Variants in BTF3L4 observed in about 807,000 individuals in gnomAD.
The protein encoded by BTF3L4 is basic transcription factor 3 like 4.
A neutral mutation model predicts 16.8 loss-of-function variants in BTF3L4; 6 were observed. That is an observed-to-expected ratio of 0.36 (90% CI 0.20 to 0.71). The LOEUF is 0.71. Among genes scored for constraint, BTF3L4 ranks in the 30% least tolerant of loss-of-function variants. The pLI, the probability that BTF3L4 is intolerant of heterozygous loss-of-function variation, is 0.58. For synonymous variants in BTF3L4, 39 were observed against 59.8 expected (o/e 0.65, Z 1.60); for missense variants, 92 against 186.9 (o/e 0.49, Z 2.96).
At chr1:52,078,177 T>C (rs1686977337) in intron 3 of BTF3L4, among the ~76,000 whole-genome samples, 1 of 151,380 alleles carries the variant, frequency 6.6e-6, no homozygotes, top group African/African-American at 2.4e-5. Context: ...CTCAGCCTCC[T>C]GAGTAGCTAA....
At chr1:52,061,635 CTTTTTTTTTTTTTTTT>C (rs67186641) in intron 2 of BTF3L4, among the ~76,000 whole-genome samples, 1 of 65,016 alleles carries the variant, frequency 1.5e-5, no homozygotes, top group African/African-American at 5.8e-5. Flanking sequence ...TACAGCTATT[CTTTTTTTTTTTTTTTT>C]TTTTTTGAGA....
At chr1:52,084,020 CA>C (rs58159140) in intron 4 of BTF3L4, among the ~76,000 whole-genome samples, 8,911 of 78,994 alleles carry the variant, frequency 0.11, 245 homozygotes, top group African/African-American at 0.15. Flanking sequence ...AACTCCGTCT[CA>C]AAAAAAAAAA....
Position 52,070,609 on chromosome 1 carries a change from T to C in BTF3L4, c.168+5671T>C, listed in dbSNP as rs542915308. ...ATGAGGGGTTTCAGAGACAGTTTCA[T>C]ACAAAGGTCAAATAAATAACCAGCT... On this transcript the variant is annotated intron_variant, in intron 3 of 5. Transcript: ENST00000313334. Among the ~76,000 whole-genome samples, 204 of 141,828 alleles carry C rather than the reference T, an allele frequency of 1.4e-3. 1 individual carries two copies. The highest frequency in any genetic ancestry group is 2.5e-3 in the Non-Finnish European group (166 of 65,926). 93.0% of individuals were successfully genotyped at this position (141,828 alleles called of 152,430 possible).
At chr1:52,060,315 C>CCA in intron 2 of BTF3L4, 1 of 355,800 alleles carries the variant, frequency 2.8e-6, no homozygotes, top group Admixed American at 3.7e-5. Flanking sequence ...GTTAGACTCA[C>CCA]TTGCAGGGCA....
chr1:52,064,955 A>T lies in BTF3L4; in HGVS notation c.168+17A>T. The T allele has an allele frequency of 6.6e-7, 1 of 1,508,224 alleles. No homozygotes were observed. Among genetic ancestry groups the T allele is most frequent in the Non-Finnish European group, 9.2e-7 (1 of 1,090,486 alleles). The allele number at this position is 1,508,224 out of a possible 1,614,324, so 93.4% of individuals were successfully genotyped here. A position where few individuals can be genotyped will look rare whatever the true frequency, so the allele number is the denominator to read the frequency against. On this transcript the variant is annotated intron_variant, in intron 3 of 5. Coordinates refer to ENST00000313334, the MANE Select transcript of BTF3L4 (RefSeq NM_152265.5). The stretch of plus-strand genomic sequence containing the variant: ...ATTGAAGAGGTATGATCACTTTGCA[A>T]GTTGTTAAATTGTGTGGGTACATGC...
chr1:52,063,124 G>A (rs970028792), intron 2 of BTF3L4, among the ~76,000 whole-genome samples: 4 of 152,108 alleles, frequency 2.6e-5, no homozygotes, highest in African/African-American at 9.7e-5. Context: ...TACAAATTTA[G>A]GAGTTGGAAT....
chr1:52,066,226 C>A (rs1686644050), intron 3 of BTF3L4, among the ~76,000 whole-genome samples: 1 of 152,038 alleles, frequency 6.6e-6, no homozygotes, highest in African/African-American at 2.4e-5. Flanking sequence ...CAGAATCTCA[C>A]TCTGTCACCC....
chr1:52,057,976 A>G (rs1336389068), intron 1 of BTF3L4, among the ~76,000 whole-genome samples: 1 of 152,222 alleles, frequency 6.6e-6, no homozygotes, highest in African/African-American at 2.4e-5. Flanking sequence ...TTCAAAATGC[A>G]GAAGAATCCC....
At chr1:52,056,575 C>T (rs1005286836) in intron 1 of BTF3L4, among the ~76,000 whole-genome samples, 196 bp downstream of exon 1, 1 of 152,234 alleles carries the variant, frequency 6.6e-6, no homozygotes, top group Non-Finnish European at 1.5e-5. Flanking sequence ...GTGGGAAGGT[C>T]CCCAGCACCA....
intron 5 of BTF3L4, 99 bp downstream of exon 5, chr1:52,086,270 C>T: frequency 2.3e-6 from 2 of 867,804 alleles, no homozygotes; most frequent in South Asian, 2.0e-5. Flanking sequence ...ATTGTAAGCT[C>T]ATGAATTTAA....
chr1:52,085,350 G>GT (rs1177269568), intron 4 of BTF3L4, among the ~76,000 whole-genome samples: 2 of 147,064 alleles, frequency 1.4e-5, no homozygotes, highest in African/African-American at 2.5e-5. Context: ...TTGTTGCTTG[G>GT]TTTTTTTTGT....
chr1:52,085,174 C>T (rs1643960333), intron 4 of BTF3L4, among the ~76,000 whole-genome samples: 1 of 151,476 alleles, frequency 6.6e-6, no homozygotes, highest in Non-Finnish European at 1.5e-5. Context: ...GCGCCCGCCA[C>T]TGCGCCTGGC....
chr1:52,079,660 G>A (rs988352282), intron 3 of BTF3L4, among the ~76,000 whole-genome samples: 13 of 152,144 alleles, frequency 8.5e-5, no homozygotes, highest in African/African-American at 2.9e-4. Context: ...TTAGCCTTCA[G>A]AAGAGAAACT....
At chr1:52,069,414 AAAG>A (rs1352730049) in intron 3 of BTF3L4, among the ~76,000 whole-genome samples, 4 of 152,280 alleles carry the variant, frequency 2.6e-5, no homozygotes, top group African/African-American at 4.8e-5. Context: ...GAGAAGGAAA[AAAG>A]AAGCTATTGC....
intron 3 of BTF3L4, among the ~76,000 whole-genome samples, chr1:52,080,903 A>C (rs534741164): frequency 6.9e-6 from 1 of 145,444 alleles, no homozygotes; most frequent in South Asian, 2.2e-4. Context: ...GCAGTGGCAC[A>C]ATCTCAGCTC....
intron 3 of BTF3L4, among the ~76,000 whole-genome samples, chr1:52,071,700 G>A (rs1187409714): frequency 2.6e-5 from 4 of 152,112 alleles, no homozygotes; most frequent in Admixed American, 1.3e-4. Context: ...CCTCTTCCTG[G>A]TTCTTGTTTT....
At chr1:52,084,987 C>G (rs1643957364) in intron 4 of BTF3L4, among the ~76,000 whole-genome samples, 1 of 136,236 alleles carries the variant, frequency 7.3e-6, no homozygotes, top group Admixed American at 7.5e-5. Flanking sequence ...TAGATACTTT[C>G]TTACACCAAA....
At chr1:52,071,698 T>G (rs1422427235) in intron 3 of BTF3L4, among the ~76,000 whole-genome samples, 1 of 152,256 alleles carries the variant, frequency 6.6e-6, no homozygotes. Context: ...TTCCTCTTCC[T>G]GGTTCTTGTT....
chr1:52,085,343 T>C (rs949603794), intron 4 of BTF3L4, among the ~76,000 whole-genome samples: 5 of 127,712 alleles, frequency 3.9e-5, no homozygotes, highest in South Asian at 2.6e-4. Context: ...GTTGTTGTTG[T>C]TGCTTGGTTT....
Sources: gnomAD v4.1 joint callset for allele counts (sites outside exome capture counted in the v4.1 genomes callset) on GRCh38, gnomAD v4.1.1 for gene constraint, MANE v1.5 for transcripts, NCBI Gene and HGNC (gene_info 2026-07-23, HGNC 2026-07-21) for gene names.